The following NPR1 variants were observed in gnomAD, a reference collection of about 807,000 sequenced individuals.
NPR1 encodes atrial natriuretic peptide receptor 1.
Under a neutral mutation model 116.9 loss-of-function variants are expected in NPR1, and 57 were observed. The observed-to-expected ratio is 0.49, with a 90% CI of 0.39 to 0.61. The LOEUF (loss-of-function observed/expected upper bound fraction) is 0.61, where lower values mean the gene tolerates loss of function less well. NPR1 is among the 20% of genes least tolerant of loss of function. The pLI is 0.00. For synonymous variants in NPR1, 555 were observed against 601.6 expected, an observed-to-expected ratio of 0.92 and a Z score of 1.13; for missense variants, 1,096 against 1,409.8, an observed-to-expected ratio of 0.78 and a Z score of 3.56.
intron 20 of NPR1, 78 bp from the exon 21 acceptor site, chr1:153,693,028 C>T: frequency 8.6e-7 from 1 of 1,160,576 alleles, no homozygotes; most frequent in Non-Finnish European, 1.3e-6. Context: ...CCCCCACAGT[C>T]CCTGGTCTCT....
In NPR1 at chr1:153,685,145, G is replaced by C. The variant is rs139961766; in HGVS notation, c.1605+61G>C. The C allele has an allele frequency of 1.2e-4, 192 of 1,589,908 alleles. 2 individuals are homozygous for C. In the African/African-American group the frequency reaches 2.4e-3, roughly 20 times the overall value. ...AGGAGAGGTGGGTACAAGGGGCAGTGCCTGAGGGATAGGTAAGGGAGCAGG... is the reference window on the plus strand; with the variant it reads ...AGGAGAGGTGGGTACAAGGGGCAGTCCCTGAGGGATAGGTAAGGGAGCAGG... On this transcript the variant is annotated intron_variant, in intron 8 of 21. Transcript: ENST00000368680.
rs1669778248 is a variant in NPR1 at position 153,681,435 on chromosome 1, A to G, written c.1035+142A>G. ...TGTTCCATGTTTCTCGTGATGATGG[A>G]GGAGGACACTGGCAAGTTCAGCCTC... is the stretch of plus-strand genomic sequence containing the variant. On this transcript the variant is annotated intron_variant, in intron 3 of 21. Transcript: ENST00000368680. The G allele has an allele frequency of 4.6e-6, 3 of 654,154 alleles. No homozygotes were observed. The South Asian group carries it at 5.6e-5, about 12-fold the overall frequency. The allele number at this position is 654,154 out of a possible 1,614,324, so 40.5% of individuals were successfully genotyped here.
chr1:153,679,953 C>T lies in NPR1; in HGVS notation c.721+124C>T, dbSNP rs1669716098. ...TTCTTTCTCCTCGCCGTTCTTCATTCTACTTTCAGCTCCCTGGCCCTTTCT... is the reference window on the plus strand; with the variant it reads ...TTCTTTCTCCTCGCCGTTCTTCATTTTACTTTCAGCTCCCTGGCCCTTTCT... On this transcript the variant is annotated intron_variant, in intron 1 of 21. Transcript: ENST00000368680. The surrounding 1 kb of genome is among the most constrained non-coding windows in gnomAD (Gnocchi z 4.2). 2.3e-6 allele frequency: 3 copies of T among 1,291,512 alleles called. No homozygotes were observed. The highest frequency in any genetic ancestry group is 5.5e-5 in the Admixed American group (2 of 36,068). The allele number at this position is 1,291,512 out of a possible 1,614,324, so 80.0% of individuals were successfully genotyped here. A position where few individuals can be genotyped will look rare whatever the true frequency, so the allele number is the denominator to read the frequency against.
Position 153,679,195 on chromosome 1 carries a change from C to T in NPR1, c.87C>T (p.Gly29=), listed in dbSNP as rs1025674725. Residue 29 remains glycine (G), a synonymous_variant, in exon 1 of 22, where the codon GGC becomes GGT. Transcript: ENST00000368680. This position sits in a 1 kb window ranked among gnomAD's most constrained non-coding sequence, Gnocchi z 4.2. ...LLPPLLLLLR[G]SHAGNLTVAV... is the part of the protein sequence containing the mutation. ...CGCCGCTGCTGCTGCTGCTCCGGGG[C>T]AGCCACGCGGGCAACCTGACGGTAG... The T allele has an allele frequency of 9.9e-6, 15 of 1,513,122 alleles. No homozygotes were observed. The highest frequency in any genetic ancestry group is 2.9e-5 in the African/African-American group (2 of 69,224). 93.7% of individuals were successfully genotyped at this position (1,513,122 alleles called of 1,614,324 possible). A position where few individuals can be genotyped will look rare whatever the true frequency, so the allele number is the denominator to read the frequency against.
At chr1:153,690,133 TCTCTCTCTCACA>T (rs1670061072) in intron 19 of NPR1, 139 bp from the exon 20 acceptor site, 10 of 602,564 alleles carry the variant, frequency 1.7e-5, no homozygotes, top group Middle Eastern at 4.9e-4. Flanking sequence ...TCTCTCTCTC[TCTCTCTCTCACA>T]CACACACACA....
chr1:153,685,021 C>T lies in NPR1; in HGVS notation c.1542C>T (p.Asp514=), dbSNP rs933952494. ...ASELWRVRWE[D]VEPSSLERHL... ...AGCTGTGGCGGGTGCGCTGGGAGGA[C>T]GTTGAGCCCAGTAGCCTTGAGAGGC... The change falls in exon 8 of 22, where the codon GAC becomes GAT. Residue 514 remains aspartate, a synonymous_variant. Transcript: ENST00000368680. The T allele has an allele frequency of 6.2e-6, 10 of 1,613,788 alleles. No individual in the cohort carries two copies. The highest frequency in any genetic ancestry group is 2.2e-5 in the East Asian group (1 of 44,886).
At position 153,681,690 on chromosome 1, in the gene NPR1, G is replaced by T. The variant is rs966958861; in HGVS notation, c.1036-14G>T. 15 of 1,612,500 alleles carry T rather than the reference G, an allele frequency of 9.3e-6. No homozygotes were observed. The highest frequency in any genetic ancestry group is 1.3e-5 in the Non-Finnish European group (15 of 1,178,986). On this transcript the variant is annotated splice_polypyrimidine_tract_variant and intron_variant, in intron 3 of 21. Transcript: ENST00000368680. The stretch of plus-strand genomic sequence containing the variant: ...CATATGCCCACCCCAGCCGACCTCT[G>T]TTTGCCCCTACAGGTGAACACCATC...
intron 14 of NPR1, 120 bp downstream of exon 14, chr1:153,687,909 C>T: frequency 1.7e-6 from 2 of 1,199,896 alleles, no homozygotes; most frequent in South Asian, 1.5e-5. Flanking sequence ...AGTCACCACC[C>T]TTTGACCCAT....
In NPR1 at chr1:153,681,346, G is replaced by T; in HGVS notation, c.1035+53G>T. The T allele has an allele frequency of 3.0e-6, 3 of 1,009,130 alleles. 1 individual carries two copies. Among genetic ancestry groups the T allele is most frequent in the South Asian group, 1.3e-5 (1 of 78,044 alleles). 62.5% of individuals were successfully genotyped at this position (1,009,130 alleles called of 1,614,324 possible). A position where few individuals can be genotyped will look rare whatever the true frequency, so the allele number is the denominator to read the frequency against. On this transcript the variant is annotated intron_variant, in intron 3 of 21. Transcript: ENST00000368680. ...CGTGGACCTCCAGCCCCCACTCCAT[G>T]ACCCTCTGCCAGCCTCCATCCTTCC...
At chr1:153,680,733 C>T (rs1372694941) in intron 2 of NPR1, 33 bp downstream of exon 2, 1 of 1,539,864 alleles carries the variant, frequency 6.5e-7, no homozygotes, top group Non-Finnish European at 8.9e-7. Flanking sequence ...CAGGCTGTCT[C>T]AGCTTGTGGC....
In NPR1 at chr1:153,693,332, A is replaced by G. The variant is rs1292386100; in HGVS notation, c.3124-20A>G. 6.2e-7 allele frequency: 1 copy of G among 1,612,050 alleles called. No homozygotes were observed. The highest frequency in any genetic ancestry group is 2.2e-5 in the East Asian group (1 of 44,800). The stretch of plus-strand genomic sequence containing the variant: ...AAGGGCATGTGCCACTCCCCAGCCC[A>G]TCCTCTTTTTTCCCTCCAGGGCAAA... On this transcript the variant is annotated intron_variant, in intron 21 of 21. Coordinates refer to ENST00000368680, the MANE Select transcript of NPR1 (RefSeq NM_000906.4).
chr1:153,689,417 T>A lies in NPR1; in HGVS notation c.2689-36T>A. On this transcript the variant is annotated intron_variant, in intron 17 of 21. Coordinates refer to ENST00000368680, the MANE Select transcript of NPR1 (RefSeq NM_000906.4). The surrounding 1 kb of genome is among the most constrained non-coding windows in gnomAD (Gnocchi z 5.1). ...CCACCTGACCCCAGGTGGGGTCCCC[T>A]ACTTCCTGTCTCTCTTAGCTTCTCT... 3 of 1,613,794 alleles carry A rather than the reference T, an allele frequency of 1.9e-6. No individual in the cohort carries two copies. The highest frequency in any genetic ancestry group is 2.5e-6 in the Non-Finnish European group (3 of 1,179,694).
intron 7 of NPR1, 67 bp from the exon 8 acceptor site, chr1:153,684,897 G>A: frequency 1.9e-6 from 3 of 1,597,700 alleles, no homozygotes; most frequent in Non-Finnish European, 2.6e-6. Context: ...CTGAGGAGGG[G>A]CTGCTGAGCA....
At chr1:153,682,672 A>C (rs1344986096) in intron 5 of NPR1, 83 bp downstream of exon 5, 4 of 1,022,778 alleles carry the variant, frequency 3.9e-6, no homozygotes, top group Non-Finnish European at 1.5e-6. Flanking sequence ...CTGCCAGGGC[A>C]CCTGTTTATC....
chr1:153,691,293 C>A (rs570423354), intron 20 of NPR1, among the ~76,000 whole-genome samples: 3 of 152,218 alleles, frequency 2.0e-5, no homozygotes, highest in African/African-American at 4.8e-5. Context: ...TTACTCCTAC[C>A]CGCCCCTTGC....
At chr1:153,690,082 CTCTCTCTCTCTCTCTCTCTCTCTCTG>C (rs1670056372) in intron 19 of NPR1, 102 bp downstream of exon 19, 11 of 615,496 alleles carry the variant, frequency 1.8e-5, no homozygotes, top group Admixed American at 3.4e-5. Flanking sequence ...CTCTCTCTCT[CTCTCTCTCTCTCTCTCTCTCTCTCTG>C]TCTCTCTCTC....
Position 153,687,037 on chromosome 1 carries a change from A to G in NPR1, c.1885A>G (p.Ile629Val). Residue 629 changes from isoleucine to valine, a missense_variant, in exon 12 of 22, where the codon ATC becomes GTC. By Grantham distance (29) the Ile-to-Val change is conservative. Coordinates refer to ENST00000368680, the MANE Select transcript of NPR1 (RefSeq NM_000906.4). The part of the protein sequence containing the change: ...SLQDILENES[I>V]TLDWMFRYSL... ...GCAGGACATTCTGGAGAATGAGAGCATCACCCTGGACTGGATGTTCCGGTA... is the reference window on the plus strand; with the variant it reads ...GCAGGACATTCTGGAGAATGAGAGCGTCACCCTGGACTGGATGTTCCGGTA... The G allele has an allele frequency of 6.2e-7, 1 of 1,614,136 alleles. No homozygotes were observed.
At chr1:153,682,174 C>A (rs761316476) in intron 4 of NPR1, among the ~76,000 whole-genome samples, 3 of 152,056 alleles carry the variant, frequency 2.0e-5, no homozygotes, top group Non-Finnish European at 4.4e-5. Context: ...CCTGCCTCAG[C>A]CTCCTGAGTA....
Position 153,693,636 on chromosome 1 carries a change from T to C in NPR1, c.*222T>C, listed in dbSNP as rs940421432. Reference sequence around the variant, plus strand: ...ACAGGCTGAGCCAAGCCCACGGCCATGCACAGGGACACTCACACAGGCACA... The same window carrying C: ...ACAGGCTGAGCCAAGCCCACGGCCACGCACAGGGACACTCACACAGGCACA... On this transcript the variant is annotated 3_prime_UTR_variant, in exon 22 of 22. Transcript: ENST00000368680. The C allele has an allele frequency of 2.1e-6, 1 of 485,336 alleles. No homozygotes were observed. The highest frequency in any genetic ancestry group is 3.6e-6 in the Non-Finnish European group (1 of 277,902). The allele number at this position is 485,336 out of a possible 1,614,324, so 30.1% of individuals were successfully genotyped here.
Sources: gnomAD v4.1 joint callset for allele counts (sites outside exome capture counted in the v4.1 genomes callset) on GRCh38, gnomAD v4.1.1 for gene constraint, Gnocchi (gnomAD v3.1) non-coding constraint, MANE v1.5 for transcripts, NCBI Gene and HGNC (gene_info 2026-07-23, HGNC 2026-07-21) for gene names.